The following PPM1L variants were observed in gnomAD, a reference collection of about 807,000 sequenced individuals.
PPM1L encodes protein phosphatase 1L.
PPM1L carries 13 observed loss-of-function variants against 31.4 expected under a neutral mutation model. The observed-to-expected ratio is 0.41, with a 90% CI of 0.27 to 0.66. PPM1L has a LOEUF of 0.66. Ranked by LOEUF, PPM1L falls within the 30% of genes least tolerant of loss-of-function variation. The pLI is 0.29. For synonymous variants in PPM1L, 184 were observed against 175.4 expected (o/e 1.05, Z -0.39); for missense variants, 326 against 453.7 (o/e 0.72, Z 2.56).
intron 2 of PPM1L, among the ~76,000 whole-genome samples, chr3:160,978,072 G>T (rs763004447): frequency 2.0e-5 from 3 of 152,174 alleles, no homozygotes; most frequent in Non-Finnish European, 2.9e-5. Context: ...GAATGAAAGA[G>T]GAAACAAGGA....
At chr3:161,039,059 T>C (rs1348082820) in intron 2 of PPM1L, among the ~76,000 whole-genome samples, 2 of 152,170 alleles carry the variant, frequency 1.3e-5, no homozygotes, top group Non-Finnish European at 2.9e-5. Context: ...CCTATATGGT[T>C]AGAAAGGGGC....
chr3:160,788,130 T>C (rs1711988350), intron 1 of PPM1L, among the ~76,000 whole-genome samples: 1 of 152,128 alleles, frequency 6.6e-6, no homozygotes, highest in Non-Finnish European at 1.5e-5. Context: ...AATTTCAAAA[T>C]AGTTTTTTCT....
At chr3:160,838,413 G>A (rs372703264) in intron 1 of PPM1L, among the ~76,000 whole-genome samples, 4 of 152,226 alleles carry the variant, frequency 2.6e-5, no homozygotes, top group African/African-American at 9.6e-5. Flanking sequence ...GTGATGGTGG[G>A]CACCCAAGGA....
At chr3:161,009,024 G>T (rs1717801773) in intron 2 of PPM1L, among the ~76,000 whole-genome samples, 2 of 152,188 alleles carry the variant, frequency 1.3e-5, no homozygotes, top group Admixed American at 1.3e-4. Flanking sequence ...GGGTGCTTTA[G>T]GGTGGGGACA....
chr3:160,837,439 T>C (rs192660343), intron 1 of PPM1L, among the ~76,000 whole-genome samples: 1 of 152,366 alleles, frequency 6.6e-6, no homozygotes, highest in East Asian at 1.9e-4. Flanking sequence ...CCACTGTTAT[T>C]GTCAAGATAA....
chr3:160,964,299 ACAGT>A (rs1453417669), intron 2 of PPM1L, among the ~76,000 whole-genome samples: 2 of 137,970 alleles, frequency 1.4e-5, no homozygotes, highest in African/African-American at 4.9e-5. Context: ...GATTACATAA[ACAGT>A]CAATCAACAC....
intron 1 of PPM1L, among the ~76,000 whole-genome samples, chr3:160,923,841 T>C (rs1031162480): frequency 6.6e-6 from 1 of 152,166 alleles, no homozygotes; most frequent in Non-Finnish European, 1.5e-5. Context: ...TAATAAAGTC[T>C]CAGGACAGTC....
At chr3:160,995,724 T>C (rs1717298460) in intron 2 of PPM1L, among the ~76,000 whole-genome samples, 1 of 152,160 alleles carries the variant, frequency 6.6e-6, no homozygotes, top group Non-Finnish European at 1.5e-5. Context: ...GAGAGAAATA[T>C]AATTACAAGA....
At chr3:160,897,276 C>T (rs7636214) in intron 1 of PPM1L, among the ~76,000 whole-genome samples, 2,207 of 152,106 alleles carry the variant, frequency 0.015, 47 homozygotes, top group East Asian at 0.054. Context: ...CTCTTGACCT[C>T]GTGATCCACC....
intron 1 of PPM1L, among the ~76,000 whole-genome samples, chr3:160,925,342 T>C (rs544858379): frequency 2.6e-5 from 4 of 152,330 alleles, no homozygotes; most frequent in Admixed American, 2.6e-4. Context: ...TTTTTATTTA[T>C]TTAGCATGGT....
At position 160,920,732 on chromosome 3, in the gene PPM1L, G is replaced by A. The variant is rs192114733; in HGVS notation, c.400-41004G>A. Among the ~76,000 whole-genome samples, 286 of 151,344 alleles carry A rather than the reference G, an allele frequency of 1.9e-3. 1 individual carries two copies. Among genetic ancestry groups the A allele is most frequent in the African/African-American group, 6.5e-3 (267 of 41,214 alleles). ...TTAGCAGTAGGAGGGTGGTGATGAG[G>A]GAAGCTTTATTTCAAAATGCTAATA... On this transcript the variant is annotated intron_variant, in intron 1 of 3. Coordinates refer to ENST00000498165, the MANE Select transcript of PPM1L (RefSeq NM_139245.4).
chr3:160,986,811 A>G (rs549686001), intron 2 of PPM1L, among the ~76,000 whole-genome samples: 2 of 152,346 alleles, frequency 1.3e-5, no homozygotes, highest in South Asian at 2.1e-4. Flanking sequence ...GTAATGTCAT[A>G]CAAATTTTTA....
intron 2 of PPM1L, among the ~76,000 whole-genome samples, chr3:161,025,498 G>A (rs1035130844): frequency 9.2e-5 from 14 of 151,700 alleles, no homozygotes; most frequent in Non-Finnish European, 1.8e-4. Flanking sequence ...TTTGAGTTAA[G>A]GAGTTCGTGG....
intron 1 of PPM1L, among the ~76,000 whole-genome samples, chr3:160,824,861 C>T (rs1428117293): frequency 6.6e-6 from 1 of 152,042 alleles, no homozygotes; most frequent in Non-Finnish European, 1.5e-5. Context: ...TTTAAAGTCT[C>T]ATATTTTTAT....
At chr3:160,974,545 A>C (rs1355870450) in intron 2 of PPM1L, among the ~76,000 whole-genome samples, 15 of 151,912 alleles carry the variant, frequency 9.9e-5, no homozygotes, top group South Asian at 2.1e-4. Context: ...TGTTTCCTGA[A>C]TTTTTAATGA....
At chr3:160,856,176 A>G (rs990564658) in intron 1 of PPM1L, among the ~76,000 whole-genome samples, 34 of 151,722 alleles carry the variant, frequency 2.2e-4, no homozygotes, top group African/African-American at 7.5e-4. Flanking sequence ...ACCGAGATTG[A>G]GAGTGGGTCT....
chr3:160,893,255 T>C (rs1449487812), intron 1 of PPM1L, among the ~76,000 whole-genome samples: 2 of 152,182 alleles, frequency 1.3e-5, no homozygotes, highest in Non-Finnish European at 2.9e-5. Context: ...ATTTTCTCTG[T>C]ATAGAAGGCA....
chr3:160,881,172 A>G (rs1712698448), intron 1 of PPM1L, among the ~76,000 whole-genome samples: 1 of 152,202 alleles, frequency 6.6e-6, no homozygotes, highest in South Asian at 2.1e-4. Flanking sequence ...GGAGTACTGT[A>G]CTATTATGCT....
intron 2 of PPM1L, among the ~76,000 whole-genome samples, chr3:161,064,850 C>T (rs1202420039): frequency 6.6e-6 from 1 of 152,126 alleles, no homozygotes; most frequent in East Asian, 1.9e-4. Context: ...CCATCACACC[C>T]TGGAGTGGAC....
Sources: gnomAD v4.1 joint callset for allele counts (sites outside exome capture counted in the v4.1 genomes callset) on GRCh38, gnomAD v4.1.1 for gene constraint, MANE v1.5 for transcripts, NCBI Gene and HGNC (gene_info 2026-07-23, HGNC 2026-07-21) for gene names.